The following RBFOX1 variants were observed in gnomAD, a reference collection of about 807,000 sequenced individuals.
The protein encoded by RBFOX1 is RNA binding fox-1 homolog 1.
Under a neutral mutation model 57.7 loss-of-function variants are expected in RBFOX1, and 8 were observed. The ratio of observed to expected loss-of-function variants is 0.14; its 90% CI spans 0.08 to 0.25. RBFOX1 has a LOEUF of 0.25. Ranked by LOEUF, RBFOX1 falls within the 10% of genes least tolerant of loss-of-function variation. The pLI is 1.00. For synonymous variants in RBFOX1, 326 were observed against 222.4 expected, an observed-to-expected ratio of 1.47 and a Z score of -4.15; for missense variants, 611 against 548.5, an observed-to-expected ratio of 1.11 and a Z score of -1.14.
At chr16:6,436,757 G>A (rs1385912323) in intron 2 of RBFOX1, among the ~76,000 whole-genome samples, 1 of 152,010 alleles carries the variant, frequency 6.6e-6, no homozygotes, top group Non-Finnish European at 1.5e-5. Flanking sequence ...AGATGTAGTA[G>A]TAACTCAGTG....
At chr16:7,516,129 G>A (rs764409157) in intron 4 of RBFOX1, among the ~76,000 whole-genome samples, 1 of 152,140 alleles carries the variant, frequency 6.6e-6, no homozygotes, top group Non-Finnish European at 1.5e-5. Context: ...ACAGGCATGA[G>A]GCAACATGCC....
intron 2 of RBFOX1, among the ~76,000 whole-genome samples, chr16:6,452,131 A>C (rs1320275699): frequency 8.1e-6 from 1 of 123,740 alleles, no homozygotes; most frequent in Non-Finnish European, 1.7e-5. Flanking sequence ...TCCTTCCATG[A>C]CTCCATCCAT....
At chr16:6,294,569 C>A (rs1405861797) in intron 1 of RBFOX1, among the ~76,000 whole-genome samples, 2 of 152,136 alleles carry the variant, frequency 1.3e-5, no homozygotes, top group Non-Finnish European at 2.9e-5. Flanking sequence ...GCTTGTAGAC[C>A]AAGTCTAATC....
Position 7,004,234 on chromosome 16 carries a change from A to T in RBFOX1, c.-15-47823A>T, listed in dbSNP as rs963550173. ...TCTTATGCATTATCTTTTGAATCTT[A>T]TGCATAGAAGAATATATAATGCATA... is the stretch of plus-strand genomic sequence containing the variant. On this transcript the variant is annotated intron_variant, in intron 3 of 15. Transcript: ENST00000550418. 3.3e-5 allele frequency: 5 copies of T among 152,174 alleles called. No homozygotes were observed. In the South Asian group the frequency reaches 8.3e-4, roughly 25 times the overall value. The allele number at this position is 152,174 out of a possible 1,614,324, so 9.4% of individuals were successfully genotyped here. A position where few individuals can be genotyped will look rare whatever the true frequency, so the allele number is the denominator to read the frequency against.
intron 3 of RBFOX1, among the ~76,000 whole-genome samples, chr16:7,037,790 G>A (rs1365477217): frequency 6.6e-6 from 1 of 152,092 alleles, no homozygotes. Context: ...TCTGGCTTTC[G>A]ATTTTGTTCT....
intron 3 of RBFOX1, among the ~76,000 whole-genome samples, chr16:6,880,554 G>A (rs1603635926): frequency 6.6e-6 from 1 of 152,138 alleles, no homozygotes; most frequent in Admixed American, 6.5e-5. Context: ...CTTCAGACAC[G>A]TGAACTCGGA....
intron 1 of RBFOX1, among the ~76,000 whole-genome samples, chr16:5,425,478 G>A (rs1273031173): frequency 1.3e-5 from 2 of 152,102 alleles, no homozygotes; most frequent in Admixed American, 1.3e-4. Context: ...TAGCCCCCAA[G>A]TCTCTTGGTA....
chr16:5,352,996 T>A (rs2065297958), intron 1 of RBFOX1, among the ~76,000 whole-genome samples: 1 of 152,182 alleles, frequency 6.6e-6, no homozygotes, highest in Non-Finnish European at 1.5e-5. Context: ...TTCCCCAATT[T>A]TTCTGATACT....
chr16:5,732,090 C>A (rs2052395166), intron 3 of RBFOX1, among the ~76,000 whole-genome samples: 1 of 152,166 alleles, frequency 6.6e-6, no homozygotes. Flanking sequence ...AAATGATATT[C>A]CCATTGGTTA....
intron 3 of RBFOX1, among the ~76,000 whole-genome samples, chr16:6,887,465 C>T (rs958135342): frequency 2.0e-5 from 3 of 152,126 alleles, no homozygotes; most frequent in African/African-American, 7.2e-5. Context: ...CTAAACTTCG[C>T]ATCATGTTTT....
chr16:6,619,687 C>CTTT (rs34849467), intron 2 of RBFOX1, among the ~76,000 whole-genome samples: 5 of 117,934 alleles, frequency 4.2e-5, no homozygotes, highest in African/African-American at 1.6e-4. Context: ...TGTTGGTTTC[C>CTTT]TTTTTTTTTT....
At chr16:7,629,063 C>A (rs1275925202) in intron 10 of RBFOX1, among the ~76,000 whole-genome samples, 1 of 152,042 alleles carries the variant, frequency 6.6e-6, no homozygotes, top group Non-Finnish European at 1.5e-5. Context: ...GGCTATTTTG[C>A]GGGTGGGGGT....
downstream of RBFOX1, among the ~76,000 whole-genome samples, chr16:5,604,554 A>C (rs147649078): frequency 6.6e-6 from 1 of 152,210 alleles, no homozygotes; most frequent in Admixed American, 6.5e-5. Context: ...CATGTTAGCA[A>C]CATGGAGTCT....
At chr16:6,858,343 T>C (rs989873060) in intron 3 of RBFOX1, among the ~76,000 whole-genome samples, 14 of 152,202 alleles carry the variant, frequency 9.2e-5, no homozygotes, top group African/African-American at 3.4e-4. Context: ...TCATCTAAAA[T>C]ACAGGAAAAA....
In RBFOX1 at chr16:5,782,927, A is replaced by G. The variant is rs113448839; in HGVS notation, c.319-84376A>G. 6.0e-3 allele frequency among the ~76,000 whole-genome samples: 913 copies of G among 152,318 alleles called. 18 individuals carry two copies. The highest frequency in any genetic ancestry group is 0.02 in the African/African-American group (847 of 41,580). On this transcript the variant is annotated intron_variant, in intron 3 of 19. Transcript: ENST00000641259. ...TCCTCTTTCCTCTGCCTTTTGTTCT[A>G]TGTAGGCCCTCCATGGATTGGATGA...
chr16:6,394,349 A>G (rs2092729979), intron 2 of RBFOX1, among the ~76,000 whole-genome samples: 1 of 152,196 alleles, frequency 6.6e-6, no homozygotes, highest in Non-Finnish European at 1.5e-5. Flanking sequence ...AGTGGAAATT[A>G]TTTTGTTTTT....
In RBFOX1 at chr16:5,656,947, G is replaced by A. The variant is rs963249211; in HGVS notation, c.318+57986G>A. Among the ~76,000 whole-genome samples, 60 of 152,178 alleles carry A rather than the reference G, an allele frequency of 3.9e-4. 1 individual carries two copies. The highest frequency in any genetic ancestry group is 1.8e-3 in the Admixed American group (27 of 15,278). Reference sequence around the variant, plus strand: ...GGACCTGTCAGGGGGTGGGGAGCAAGGGGAGGGAGAACGTTAGGACAAATA... The same window carrying A: ...GGACCTGTCAGGGGGTGGGGAGCAAAGGGAGGGAGAACGTTAGGACAAATA... On this transcript the variant is annotated intron_variant, in intron 3 of 19. Coordinates refer to the RBFOX1 transcript ENST00000641259.
intron 3 of RBFOX1, among the ~76,000 whole-genome samples, chr16:5,795,158 C>G (rs1024460268): frequency 2.6e-5 from 4 of 152,132 alleles, no homozygotes; most frequent in African/African-American, 9.7e-5. Context: ...TCTGAAACAC[C>G]TCACGAAAGG....
chr16:7,019,179 G>A (rs988223503), intron 3 of RBFOX1, among the ~76,000 whole-genome samples: 10 of 151,854 alleles, frequency 6.6e-5, no homozygotes, highest in African/African-American at 2.2e-4. Context: ...AATTTTTTAG[G>A]ACACTAAATT....
Sources: allele counts gnomAD v4.1 joint callset (sites outside exome capture counted in the v4.1 genomes callset), GRCh38; gene constraint gnomAD v4.1.1; transcripts MANE v1.5; gene names NCBI Gene and HGNC (gene_info 2026-07-23, HGNC 2026-07-21).